PLD1: variants seen among roughly 807,000 people sequenced by gnomAD.
The protein encoded by PLD1 is phospholipase D1, also known as choline phosphatase 1.
Under a neutral mutation model 137.1 loss-of-function variants are expected in PLD1, and 112 were observed. The ratio of observed to expected loss-of-function variants is 0.82; its 90% CI spans 0.70 to 0.96. PLD1 has a LOEUF of 0.96. Among genes scored for constraint, PLD1 ranks in the 40% least tolerant of loss-of-function variants. PLD1 has a pLI of 0.00. For missense variants in PLD1, 1,321 were observed against 1,342.0 expected (o/e 0.98, Z 0.24); for synonymous variants, 431 against 454.7 (o/e 0.95, Z 0.66).
intron 16 of PLD1, among the ~76,000 whole-genome samples, chr3:171,684,824 C>G (rs897687828): frequency 6.6e-6 from 1 of 152,160 alleles, no homozygotes; most frequent in African/African-American, 2.4e-5. Context: ...TGGGCTCAAG[C>G]AATCCTCCTG....
At chr3:171,709,987 A>G (rs6783520) in intron 9 of PLD1, among the ~76,000 whole-genome samples, 4,691 of 152,270 alleles carry the variant, frequency 0.031, 184 homozygotes, top group African/African-American at 0.092. Context: ...ATAAAGAAAG[A>G]GGGGTAAGGT....
In PLD1 at chr3:171,620,386, C is replaced by T; in HGVS notation, c.2728G>A (p.Gly910Ser). 6.3e-7 allele frequency: 1 copy of T among 1,587,638 alleles called. No individual in the cohort carries two copies. Among genetic ancestry groups the T allele is most frequent in the Non-Finnish European group, 8.6e-7 (1 of 1,161,510 alleles). Reference protein sequence around the residue: ...LIADDNTVIIGSANINDRSML... With the variant: ...LIADDNTVIISSANINDRSML... ...ATTATAGACCATATACTGTACTTAC[C>T]AATAATAACAGTGTTATCATCAGCA... The change falls in exon 24 of 27, where the codon GGC becomes AGC. Residue 910 changes from glycine to serine, a missense_variant and splice_region_variant. Gly to Ser is a moderately conservative substitution (Grantham distance 56). Coordinates refer to ENST00000351298, the MANE Select transcript of PLD1 (RefSeq NM_002662.5).
intron 1 of PLD1, among the ~76,000 whole-genome samples, chr3:171,770,851 T>C (rs2108329951): frequency 7.5e-6 from 1 of 132,914 alleles, no homozygotes; most frequent in Admixed American, 8.7e-5. Flanking sequence ...ATCATTCAAC[T>C]GCACTCCAGC....
At chr3:171,770,953 G>C (rs976972053) in intron 1 of PLD1, among the ~76,000 whole-genome samples, 26 of 149,494 alleles carry the variant, frequency 1.7e-4, no homozygotes, top group Admixed American at 6.6e-5. Flanking sequence ...AAGACCTCTG[G>C]ACTGCAAATC....
At chr3:171,646,554 G>T (rs1323893576) in intron 21 of PLD1, among the ~76,000 whole-genome samples, 1 of 151,802 alleles carries the variant, frequency 6.6e-6, no homozygotes, top group African/African-American at 2.4e-5. Context: ...TCACTAGATG[G>T]CAAACATAGT....
chr3:171,682,162 A>AAGAAAGAAAGAAAGAAAGAG (rs1210744785), intron 16 of PLD1, among the ~76,000 whole-genome samples: 1 of 44,786 alleles, frequency 2.2e-5, no homozygotes, highest in Non-Finnish European at 4.5e-5. Flanking sequence ...GAAAGAAAGA[A>AAGAAAGAAAGAAAGAAAGAG]AGAAAAAGAA....
intron 19 of PLD1, among the ~76,000 whole-genome samples, chr3:171,669,238 G>A (rs755021930): frequency 1.3e-5 from 2 of 151,906 alleles, no homozygotes; most frequent in Admixed American, 1.3e-4. Context: ...TAATAACTAG[G>A]TGCCCTTCTC....
intron 19 of PLD1, among the ~76,000 whole-genome samples, chr3:171,666,838 T>C (rs1051378220): frequency 3.1e-4 from 47 of 152,252 alleles, no homozygotes; most frequent in African/African-American, 1.1e-3. Context: ...TCTGATTTTA[T>C]GGTTTAACCT....
chr3:171,620,736 CTCTCTCTATATATATA>C (rs1417613510), intron 23 of PLD1, among the ~76,000 whole-genome samples: 49 of 76,930 alleles, frequency 6.4e-4, no homozygotes, highest in African/African-American at 2.8e-3. Flanking sequence ...CTCTCTCTCT[CTCTCTCTATATATATA>C]TATATATATA....
chr3:171,685,871 C>T (rs1217031573), intron 16 of PLD1, among the ~76,000 whole-genome samples: 1 of 152,188 alleles, frequency 6.6e-6, no homozygotes, highest in East Asian at 1.9e-4. Flanking sequence ...GTAATCCCAG[C>T]ACTTTCGGAG....
chr3:171,798,363 T>C (rs1299821105), intron 1 of PLD1, among the ~76,000 whole-genome samples: 1 of 152,228 alleles, frequency 6.6e-6, no homozygotes, highest in Non-Finnish European at 1.5e-5. Flanking sequence ...ATGACCAATT[T>C]TAAATTATGG....
At chr3:171,708,196 T>C (rs754596935) in intron 11 of PLD1, among the ~76,000 whole-genome samples, 3 of 152,216 alleles carry the variant, frequency 2.0e-5, no homozygotes, top group African/African-American at 4.8e-5. Context: ...AAGAGTTAAA[T>C]GAGTTTCCGA....
intron 25 of PLD1, among the ~76,000 whole-genome samples, chr3:171,606,094 G>A (rs888935203): frequency 3.9e-5 from 6 of 152,344 alleles, no homozygotes; most frequent in African/African-American, 1.4e-4. Context: ...TCCAGGTGAG[G>A]TATGATGGTG....
chr3:171,660,762 T>C (rs1327217586), intron 20 of PLD1, among the ~76,000 whole-genome samples: 1 of 151,978 alleles, frequency 6.6e-6, no homozygotes. Flanking sequence ...CCCGCCACCA[T>C]GCCCGGCTAA....
rs146595124 is a variant in PLD1 at position 171,770,096 on chromosome 3, G to A, written c.-31-32014C>T. 7.4e-4 allele frequency among the ~76,000 whole-genome samples: 113 copies of A among 152,212 alleles called. 1 individual carries two copies. Among genetic ancestry groups the A allele is most frequent in the African/African-American group, 2.5e-3 (103 of 41,518 alleles). ...TAGATCTTTAAATTAACGAGATTAAGGAAGACAATGTCTTTCTCTGTGCTT... is the reference window on the plus strand; with the variant it reads ...TAGATCTTTAAATTAACGAGATTAAAGAAGACAATGTCTTTCTCTGTGCTT... On this transcript the variant is annotated intron_variant, in intron 1 of 26. Transcript: ENST00000351298.
At chr3:171,626,328 G>A (rs1321732518) in intron 23 of PLD1, among the ~76,000 whole-genome samples, 1 of 152,184 alleles carries the variant, frequency 6.6e-6, no homozygotes, top group African/African-American at 2.4e-5. Context: ...AACAAACAAA[G>A]CCTCCAAGAA....
In PLD1 at chr3:171,662,769, A is replaced by G. The variant is rs190922559; in HGVS notation, c.2230-599T>C. Among the ~76,000 whole-genome samples the G allele has an allele frequency of 2.1e-3, 316 of 152,356 alleles. 3 individuals are homozygous for G. Among genetic ancestry groups the G allele is most frequent in the African/African-American group, 7.3e-3 (304 of 41,580 alleles). ...ATGTGATCTTCATTCTACCTTTAAT[A>G]GCTGTCTGTTCCATGGCACGCCACT... On this transcript the variant is annotated intron_variant, in intron 19 of 26. Transcript: ENST00000351298.
In PLD1 at chr3:171,638,588, G is replaced by T. The variant is rs528843725; in HGVS notation, c.2593+4252C>A. Among the ~76,000 whole-genome samples, 45 of 152,296 alleles carry T rather than the reference G, an allele frequency of 3.0e-4. 1 individual carries two copies. Among genetic ancestry groups the T allele is most frequent in the Non-Finnish European group, 6.2e-4 (42 of 68,018 alleles). On this transcript the variant is annotated intron_variant, in intron 23 of 26. Transcript: ENST00000351298. ...GCGGATGGTAGAACTAATTAGCAAA[G>T]CCACTGGGCCAGGGCTTTTCTTTGT...
At chr3:171,752,433 T>C (rs73879822) in intron 1 of PLD1, among the ~76,000 whole-genome samples, 1,950 of 152,334 alleles carry the variant, frequency 0.013, 44 homozygotes, top group African/African-American at 0.045. Context: ...ACCGAAGTTA[T>C]CTATTTGCAG....
Sources: allele counts gnomAD v4.1 joint callset (sites outside exome capture counted in the v4.1 genomes callset), GRCh38; gene constraint gnomAD v4.1.1; transcripts MANE v1.5; gene names NCBI Gene and HGNC (gene_info 2026-07-23, HGNC 2026-07-21).